LNPK: variants seen among roughly 807,000 people sequenced by gnomAD.
LNPK encodes the protein endoplasmic reticulum junction formation protein lunapark.
Under a neutral mutation model 55.2 loss-of-function variants are expected in LNPK, and 29 were observed. The observed-to-expected ratio is 0.53, with a 90% confidence interval of 0.39 to 0.72. The LOEUF (loss-of-function observed/expected upper bound fraction) is 0.72, where lower values mean the gene tolerates loss of function less well. Among genes scored for constraint, LNPK ranks in the 30% least tolerant of loss-of-function variants. The pLI, the probability that LNPK is intolerant of heterozygous loss-of-function variation, is 0.00. For missense variants in LNPK, 467 were observed against 494.8 expected (o/e 0.94, Z 0.53); for synonymous variants, 162 against 168.2 (o/e 0.96, Z 0.29).
At chr2:175,953,261 A>G (rs1685509943) in intron 8 of LNPK, among the ~76,000 whole-genome samples, 1 of 151,754 alleles carries the variant, frequency 6.6e-6, no homozygotes. Context: ...CTCTTACTCT[A>G]TTTTCTCTCT....
At chr2:175,938,204 A>G in intron 11 of LNPK, 109 bp downstream of exon 11, 2 of 654,724 alleles carry the variant, frequency 3.1e-6, no homozygotes, top group South Asian at 4.6e-5. Flanking sequence ...ATGCCTAACC[A>G]ATGTATACAA....
chr2:175,968,492 G>C (rs2105645081), intron 6 of LNPK, among the ~76,000 whole-genome samples: 1 of 152,278 alleles, frequency 6.6e-6, no homozygotes, highest in Admixed American at 6.5e-5. Context: ...GGGATTATCT[G>C]CTTGCACAGA....
At chr2:175,978,192 T>A (rs188757984) in intron 5 of LNPK, among the ~76,000 whole-genome samples, 10 of 152,136 alleles carry the variant, frequency 6.6e-5, no homozygotes, top group Admixed American at 6.5e-4. Context: ...AAATACAAAT[T>A]TAAAATTAAT....
intron 9 of LNPK, among the ~76,000 whole-genome samples, 180 bp downstream of exon 9, chr2:175,947,300 T>A (rs553028692): frequency 6.6e-6 from 1 of 152,304 alleles, no homozygotes; most frequent in Non-Finnish European, 1.5e-5. Flanking sequence ...GGTTTCAGTA[T>A]CACAAGGTGC....
chr2:175,950,310 T>A (rs1685333987), intron 8 of LNPK, among the ~76,000 whole-genome samples: 1 of 152,046 alleles, frequency 6.6e-6, no homozygotes, highest in Non-Finnish European at 1.5e-5. Flanking sequence ...TACAAAAACA[T>A]ACATAGGAGG....
At chr2:175,963,877 T>C (rs562831792) in intron 8 of LNPK, among the ~76,000 whole-genome samples, 1 of 152,178 alleles carries the variant, frequency 6.6e-6, no homozygotes, top group South Asian at 2.1e-4. Flanking sequence ...TCATTAATAA[T>C]ATGGTAATAC....
At chr2:175,981,636 G>C (rs1687177615) in intron 4 of LNPK, among the ~76,000 whole-genome samples, 1 of 152,180 alleles carries the variant, frequency 6.6e-6, no homozygotes, top group Admixed American at 6.5e-5. Flanking sequence ...CACAAGAACA[G>C]AATGAAGAAA....
At chr2:175,995,719 C>T in intron 1 of LNPK, 73 bp from the exon 2 acceptor site, 3 of 504,828 alleles carry the variant, frequency 5.9e-6, no homozygotes, top group Non-Finnish European at 1.1e-5. Flanking sequence ...TGCAATACTG[C>T]CTAAAAAATG....
chr2:176,000,836 A>G (rs1180801318), intron 1 of LNPK, among the ~76,000 whole-genome samples: 1 of 152,206 alleles, frequency 6.6e-6, no homozygotes, highest in African/African-American at 2.4e-5. Flanking sequence ...TTGCTCCTCA[A>G]AAAGAATTTT....
At chr2:175,996,100 A>G (rs2105368615) in intron 1 of LNPK, among the ~76,000 whole-genome samples, 1 of 152,296 alleles carries the variant, frequency 6.6e-6, no homozygotes, top group East Asian at 1.9e-4. Context: ...GGCGTGAGCC[A>G]TCGCACACCA....
At chr2:175,991,618 TAC>T (rs1300388484) in intron 4 of LNPK, among the ~76,000 whole-genome samples, 1 of 152,198 alleles carries the variant, frequency 6.6e-6, no homozygotes, top group African/African-American at 2.4e-5. Context: ...GTCTAAGATA[TAC>T]AGTCAGAGAA....
intron 5 of LNPK, among the ~76,000 whole-genome samples, chr2:175,974,235 A>T (rs1275387650): frequency 6.6e-6 from 1 of 152,260 alleles, no homozygotes; most frequent in Non-Finnish European, 1.5e-5. Flanking sequence ...TCCATTATGT[A>T]CTAAAAGTGC....
In LNPK at chr2:175,929,358, T is replaced by C. The variant is rs1156672788; in HGVS notation, c.*609A>G. The C allele has an allele frequency of 1.0e-6, 1 of 985,750 alleles. No individual in the cohort carries two copies. Among genetic ancestry groups the C allele is most frequent in the Admixed American group, 6.1e-5 (1 of 16,270 alleles). 61.1% of individuals were successfully genotyped at this position (985,750 alleles called of 1,614,324 possible). On this transcript the variant is annotated 3_prime_UTR_variant, in exon 13 of 13. Coordinates refer to ENST00000272748, the MANE Select transcript of LNPK (RefSeq NM_030650.3). ...CACTGCAGTTGACTGTTTCATTGCA[T>C]TCTCACTGAGAATTCGTACCAGTGC...
In LNPK at chr2:175,977,625, G is replaced by A. The variant is rs550766705; in HGVS notation, c.316+2185C>T. 1.3e-4 allele frequency among the ~76,000 whole-genome samples: 20 copies of A among 152,230 alleles called. 1 individual carries two copies. Among genetic ancestry groups the A allele is most frequent in the Non-Finnish European group, 2.1e-4 (14 of 68,000 alleles). ...TCAAGCTGTATGAGAAAAGAGAGCT[G>A]ATTACTGGCTTTGACAAGACATAGA... On this transcript the variant is annotated intron_variant, in intron 5 of 12. Transcript: ENST00000272748.
At chr2:175,940,315 G>A (rs1414466413) in intron 9 of LNPK, among the ~76,000 whole-genome samples, 1 of 151,640 alleles carries the variant, frequency 6.6e-6, no homozygotes, top group South Asian at 2.1e-4. Context: ...CACAAGAAAG[G>A]GTACCAAGCA....
At chr2:175,984,501 A>C (rs1687320527) in intron 4 of LNPK, among the ~76,000 whole-genome samples, 1 of 151,996 alleles carries the variant, frequency 6.6e-6, no homozygotes. Context: ...TATATGAAGA[A>C]CTCTCAAAAT....
intron 4 of LNPK, among the ~76,000 whole-genome samples, chr2:175,983,673 G>A (rs745346152): frequency 6.6e-6 from 1 of 151,840 alleles, no homozygotes; most frequent in African/African-American, 2.4e-5. Flanking sequence ...ATCTTTTAAG[G>A]TTGAAAATAA....
In LNPK at chr2:175,967,279, A is replaced by T. The variant is rs1686414810; in HGVS notation, c.358-2690T>A. Among the ~76,000 whole-genome samples the T allele has an allele frequency of 3.3e-5, 5 of 152,344 alleles. 1 individual carries two copies. The South Asian group carries it at 1.0e-3, about 32-fold the overall frequency. ...TTTTTATTTTAAAAGATAGAATAAT[A>T]AATACATGATTCTATTAAGAGTCAA... On this transcript the variant is annotated intron_variant, in intron 6 of 12. Coordinates refer to ENST00000272748, the MANE Select transcript of LNPK (RefSeq NM_030650.3).
intron 5 of LNPK, among the ~76,000 whole-genome samples, chr2:175,972,586 T>C (rs1349800110): frequency 6.6e-6 from 1 of 152,188 alleles, no homozygotes; most frequent in East Asian, 1.9e-4. Context: ...GTGGATAACA[T>C]TTCACTTAAT....
Sources: gnomAD v4.1 joint callset for allele counts (sites outside exome capture counted in the v4.1 genomes callset) on GRCh38, gnomAD v4.1.1 for gene constraint, MANE v1.5 for transcripts, NCBI Gene and HGNC (gene_info 2026-07-23, HGNC 2026-07-21) for gene names.